Variants in CXADR observed in about 807,000 individuals in gnomAD.
The protein encoded by CXADR is CXADR cell adhesion molecule.
In CXADR, 20 loss-of-function variants were observed where a neutral mutation model predicts 40.3. The ratio of observed to expected loss-of-function variants is 0.50; its 90% CI spans 0.35 to 0.72. The LOEUF (loss-of-function observed/expected upper bound fraction) is 0.72. Ranked by LOEUF, CXADR falls within the 30% of genes least tolerant of loss-of-function variation. The probability of loss-of-function intolerance (pLI) is 0.01; values close to 1 mark genes in which losing one functional copy is unlikely to be tolerated. For missense variants in CXADR, 332 were observed against 449.1 expected (o/e 0.74, Z 2.36); for synonymous variants, 150 against 161.3 (o/e 0.93, Z 0.53).
chr21:17,513,861 AAGG>A (rs1268428786), intron 1 of CXADR, among the ~76,000 whole-genome samples: 5 of 152,210 alleles, frequency 3.3e-5, no homozygotes, highest in Admixed American at 3.3e-4. Context: ...GCGAAGTGCA[AAGG>A]AGAATTCAGT....
At chr21:17,602,049 T>C in the CXADR span, among the ~76,000 whole-genome samples, 1 of 152,152 alleles carries the variant, frequency 6.6e-6, no homozygotes, top group African/African-American at 2.4e-5. Flanking sequence ...TTTTAAACTT[T>C]CCATTTTTCA....
chr21:17,513,647 A>C (rs2060421274), intron 1 of CXADR, among the ~76,000 whole-genome samples: 1 of 152,160 alleles, frequency 6.6e-6, no homozygotes, highest in South Asian at 2.1e-4. Context: ...TATTCAATGG[A>C]CATGGAGCTG....
chr21:17,566,770 T>C lies in CXADR; in HGVS notation c.*1078T>C. On this transcript the variant is annotated 3_prime_UTR_variant, in exon 7 of 7. Coordinates refer to ENST00000284878, the MANE Select transcript of CXADR (RefSeq NM_001338.5). ...CCTGGATGATATTTTTTATCATAAA[T>C]GCAGAATAATCAAATACATTTTAAG... 1.0e-6 allele frequency: 1 copy of C among 964,132 alleles called. No individual in the cohort carries two copies. The highest frequency in any genetic ancestry group is 4.8e-5 in the South Asian group (1 of 20,860). The allele number at this position is 964,132 out of a possible 1,614,324, so 59.7% of individuals were successfully genotyped here.
At chr21:17,583,418 G>A (rs991838042) in intron 7 of CXADR, among the ~76,000 whole-genome samples, 4 of 152,320 alleles carry the variant, frequency 2.6e-5, no homozygotes, top group Admixed American at 2.0e-4. Context: ...ACCTTTAAAT[G>A]TCTATAGTAG....
chr21:17,528,837 A>G (rs1010351560), intron 1 of CXADR, among the ~76,000 whole-genome samples: 2 of 151,758 alleles, frequency 1.3e-5, no homozygotes, highest in Non-Finnish European at 1.5e-5. Context: ...GCCTTTCCCA[A>G]CTCTCACACC....
At chr21:17,623,008 T>G in the CXADR span, among the ~76,000 whole-genome samples, 1 of 152,176 alleles carries the variant, frequency 6.6e-6, no homozygotes, top group Non-Finnish European at 1.5e-5. Flanking sequence ...TCTTTTTTTT[T>G]GAGACAGGGT....
At chr21:17,626,521 T>A in the CXADR span, among the ~76,000 whole-genome samples, 1 of 151,994 alleles carries the variant, frequency 6.6e-6, no homozygotes, top group Admixed American at 6.6e-5. Flanking sequence ...GGAATCAGCA[T>A]TTTTTTTAGC....
intron 7 of CXADR, among the ~76,000 whole-genome samples, chr21:17,589,001 T>A (rs546633164): frequency 2.7e-4 from 41 of 152,176 alleles, no homozygotes; most frequent in African/African-American, 9.4e-4. Context: ...TCACTCCTTT[T>A]TGTTGTTGTT....
chr21:17,597,195 A>G (rs931037713), downstream of CXADR, among the ~76,000 whole-genome samples: 3 of 152,086 alleles, frequency 2.0e-5, no homozygotes, highest in Admixed American at 6.5e-5. Context: ...AATAAATGCA[A>G]TTTAATTTTA....
intron 3 of CXADR, among the ~76,000 whole-genome samples, chr21:17,556,156 G>A (rs921017813): frequency 1.3e-5 from 2 of 152,234 alleles, no homozygotes; most frequent in African/African-American, 4.8e-5. Flanking sequence ...GGGAAGTCCA[G>A]ACCAAAGAAA....
chr21:17,564,042 G>T (rs1048913895), intron 6 of CXADR, among the ~76,000 whole-genome samples: 9 of 150,796 alleles, frequency 6.0e-5, no homozygotes, highest in Non-Finnish European at 7.4e-5. Flanking sequence ...CAAAAATGCA[G>T]TAAGTATCTA....
At position 17,567,365 on chromosome 21, in the gene CXADR, C is replaced by T; in HGVS notation, c.*1673C>T. ...AAGCATTTTAAAAACAGGTTTTAAC[C>T]TTATGTAAAATTACTTTTATACTCG... is the stretch of plus-strand genomic sequence containing the variant. On this transcript the variant is annotated 3_prime_UTR_variant, in exon 7 of 7. Coordinates refer to ENST00000284878, the MANE Select transcript of CXADR (RefSeq NM_001338.5). 1 of 984,808 alleles carries T rather than the reference C, an allele frequency of 1.0e-6. No homozygotes were observed. Among genetic ancestry groups the T allele is most frequent in the African/African-American group, 1.7e-5 (1 of 57,316 alleles). 61.0% of individuals were successfully genotyped at this position (984,808 alleles called of 1,614,324 possible).
downstream of CXADR, among the ~76,000 whole-genome samples, chr21:17,570,931 G>A (rs540948031): frequency 3.2e-4 from 49 of 152,232 alleles, 1 homozygote; most frequent in South Asian, 3.9e-3. Flanking sequence ...ATTCTTTGTC[G>A]TAGGGGACTG....
downstream of CXADR, chr21:17,594,371 A>T (rs745861748): frequency 3.8e-6 from 6 of 1,581,628 alleles, no homozygotes; most frequent in East Asian, 9.0e-5. Flanking sequence ...TTCAAAGGAA[A>T]AAATCATCAT....
chr21:17,546,909 A>T lies in CXADR; in HGVS notation c.44-118A>T, dbSNP rs1299139782. 9 of 1,221,634 alleles carry T rather than the reference A, an allele frequency of 7.4e-6. No homozygotes were observed. The African/African-American group carries it at 1.4e-4, about 19-fold the overall frequency. 75.7% of individuals were successfully genotyped at this position (1,221,634 alleles called of 1,614,324 possible). On this transcript the variant is annotated intron_variant, in intron 1 of 6. Coordinates refer to ENST00000284878, the MANE Select transcript of CXADR (RefSeq NM_001338.5). Reference sequence around the variant, plus strand: ...TTGAGTTTGGACTCCATTCCTCGGGACCCAAACCCCGTCCTGTATCCCTCG... The same window carrying T: ...TTGAGTTTGGACTCCATTCCTCGGGTCCCAAACCCCGTCCTGTATCCCTCG...
At chr21:17,558,807 A>G (rs1462457018) in intron 3 of CXADR, among the ~76,000 whole-genome samples, 169 bp from the exon 4 acceptor site, 4 of 152,164 alleles carry the variant, frequency 2.6e-5, no homozygotes, top group Admixed American at 2.6e-4. Context: ...GTTTTGTGTC[A>G]GATAAAGCTG....
chr21:17,620,597 A>T, the CXADR span, among the ~76,000 whole-genome samples: 2 of 152,194 alleles, frequency 1.3e-5, no homozygotes, highest in African/African-American at 4.8e-5. Flanking sequence ...CACTTGCTTG[A>T]CACAAGATTG....
At chr21:17,615,083 G>A in the CXADR span, among the ~76,000 whole-genome samples, 1 of 152,156 alleles carries the variant, frequency 6.6e-6, no homozygotes, top group African/African-American at 2.4e-5. Context: ...GGTATTTGGA[G>A]GTGGGGCCTT....
chr21:17,563,940 C>CAAGAAAAAAAAAAAAAAAAAA (rs2061162059), intron 6 of CXADR, among the ~76,000 whole-genome samples: 1 of 37,222 alleles, frequency 2.7e-5, no homozygotes, highest in Non-Finnish European at 5.7e-5. Flanking sequence ...GACTCTGTCT[C>CAAGAAAAAAAAAAAAAAAAAA]AAAAAAAAAA....
Sources: allele counts gnomAD v4.1 joint callset (sites outside exome capture counted in the v4.1 genomes callset), GRCh38; gene constraint gnomAD v4.1.1; transcripts MANE v1.5; gene names NCBI Gene and HGNC (gene_info 2026-07-23, HGNC 2026-07-21).